The following ECE1 variants were observed in gnomAD, a reference collection of about 807,000 sequenced individuals.
ECE1 encodes endothelin-converting enzyme 1.
Under a neutral mutation model 98.6 loss-of-function variants are expected in ECE1, and 35 were observed. The observed-to-expected ratio is 0.35, with a 90% CI of 0.27 to 0.47. The LOEUF (loss-of-function observed/expected upper bound fraction) is 0.47, where lower values mean the gene tolerates loss of function less well. ECE1 is among the 20% of genes least tolerant of loss of function. ECE1 has a pLI of 1.00. For missense variants in ECE1, 814 were observed against 1,025.3 expected, an observed-to-expected ratio of 0.79 and a Z score of 2.81; for synonymous variants, 394 against 407.1, an observed-to-expected ratio of 0.97 and a Z score of 0.39.
chr1:21,246,242 G>A (rs956414153), intron 9 of ECE1, among the ~76,000 whole-genome samples: 20 of 152,018 alleles, frequency 1.3e-4, no homozygotes, highest in Admixed American at 3.3e-4. Context: ...GCTTATGCCT[G>A]TAATCCTAGC....
At chr1:21,281,331 T>A (rs2098254300) in intron 2 of ECE1, among the ~76,000 whole-genome samples, 1 of 152,092 alleles carries the variant, frequency 6.6e-6, no homozygotes, top group Non-Finnish European at 1.5e-5. Context: ...CCCGCTCAAA[T>A]CCCTCAAGAA....
intron 1 of ECE1, among the ~76,000 whole-genome samples, chr1:21,305,670 G>A (rs1009823239): frequency 2.6e-5 from 4 of 152,180 alleles, no homozygotes; most frequent in South Asian, 2.1e-4. Context: ...ATTTCAGTTC[G>A]TGAGAGTGGC....
chr1:21,333,124 G>C (rs889443107), intron 1 of ECE1, among the ~76,000 whole-genome samples: 5 of 152,110 alleles, frequency 3.3e-5, no homozygotes, highest in African/African-American at 1.2e-4. Context: ...GCAGATCCAG[G>C]GTTCAAGCTC....
upstream of ECE1, chr1:21,294,307 T>A (rs1277766554): frequency 6.6e-6 from 1 of 152,292 alleles, no homozygotes; most frequent in East Asian, 1.9e-4. The surrounding 1 kb of genome is among the most constrained non-coding windows in gnomAD (Gnocchi z 4.2). Flanking sequence ...TCATTTGCAG[T>A]TGTGGGTGCC....
chr1:21,282,183 G>A (rs1357806465), intron 2 of ECE1, among the ~76,000 whole-genome samples: 1 of 152,200 alleles, frequency 6.6e-6, no homozygotes, highest in Non-Finnish European at 1.5e-5. Context: ...CCAGCTACTT[G>A]GGAGGCTGAG....
chr1:21,250,254 T>C (rs1488873690), intron 8 of ECE1, among the ~76,000 whole-genome samples: 1 of 152,248 alleles, frequency 6.6e-6, no homozygotes, highest in Non-Finnish European at 1.5e-5. Flanking sequence ...GATTGGCTTA[T>C]TTCGCTTAGC....
chr1:21,227,640 C>T (rs12735373), intron 15 of ECE1, among the ~76,000 whole-genome samples: 3,928 of 152,196 alleles, frequency 0.026, 87 homozygotes, highest in Non-Finnish European at 0.034. Flanking sequence ...CAGCCTTAAC[C>T]CTCCCCACTC....
At chr1:21,290,601 G>C, upstream of ECE1, 1 of 1,188,110 alleles carries the variant, frequency 8.4e-7, no homozygotes, top group Non-Finnish European at 1.0e-6. The surrounding 1 kb of genome is among the most constrained non-coding windows in gnomAD (Gnocchi z 7.3). Flanking sequence ...TCCCTTCCCC[G>C]GAGGTCGGGA....
At chr1:21,242,365 C>T (rs541450459) in intron 10 of ECE1, among the ~76,000 whole-genome samples, 2 of 152,126 alleles carry the variant, frequency 1.3e-5, no homozygotes, top group Non-Finnish European at 2.9e-5. Context: ...TGCTTTTTCC[C>T]GAATGAAGGC....
intron 1 of ECE1, among the ~76,000 whole-genome samples, chr1:21,335,439 C>T (rs565787138): frequency 6.6e-6 from 1 of 152,204 alleles, no homozygotes; most frequent in Non-Finnish European, 1.5e-5. Context: ...CACAATGAGG[C>T]AGGGCCTCCT....
chr1:21,312,122 CAAAA>C (rs34057869), intron 1 of ECE1, among the ~76,000 whole-genome samples: 4 of 113,700 alleles, frequency 3.5e-5, no homozygotes, highest in African/African-American at 3.5e-5. Context: ...GATTCTGTCT[CAAAA>C]AAAAAAAAAA....
At position 21,225,172 on chromosome 1, in the gene ECE1, C is replaced by A; in HGVS notation, c.2040+78G>T. On this transcript the variant is annotated intron_variant, in intron 17 of 18. Transcript: ENST00000374893. This position sits in a 1 kb window ranked among gnomAD's most constrained non-coding sequence, Gnocchi z 5.3. ...GGCTGCTGCGCCTGCCCTGGTTGTC[C>A]GTGATGATCCTCTACGGACAGGCAT... 1 of 1,562,104 alleles carries A rather than the reference C, an allele frequency of 6.4e-7. No homozygotes were observed. The highest frequency in any genetic ancestry group is 1.1e-5 in the South Asian group (1 of 88,810).
rs543107395 is a variant in ECE1 at position 21,276,936 on chromosome 1, C to T, written c.280+2255G>A. ...TTCACCATGTTGGTCAGGCTGGTCT[C>T]GAACATCTTGACCTCAGGTGATCTG... On this transcript the variant is annotated intron_variant, in intron 3 of 18. Transcript: ENST00000374893. Among the ~76,000 whole-genome samples the T allele has an allele frequency of 3.9e-5, 6 of 152,154 alleles. No individual in the cohort carries two copies. In the South Asian group the frequency reaches 1.0e-3, roughly 26 times the overall value.
At chr1:21,305,391 A>G (rs1158870069) in intron 1 of ECE1, among the ~76,000 whole-genome samples, 1 of 152,206 alleles carries the variant, frequency 6.6e-6, no homozygotes, top group East Asian at 1.9e-4. Context: ...AAAGAAATAA[A>G]CAGACTTGAG....
rs2098176962 is a variant in ECE1, at chr1:21,228,212, TGTTTTGAGACAGGGTCTC to T, written c.1671-189_1671-172del. Among the ~76,000 whole-genome samples the T allele has an allele frequency of 3.3e-5, 5 of 152,102 alleles. No homozygotes were observed. The South Asian group carries it at 8.3e-4, about 25-fold the overall frequency. ...CAAGGACATCTACAGAAGGACTGTT[TGTTTTGAGACAGGGTCTC>T]GTTCTGTCGCCTAGGCTGGAGTGCA... On this transcript the variant is annotated intron_variant, in intron 14 of 18. Transcript: ENST00000374893.
intron 1 of ECE1, among the ~76,000 whole-genome samples, chr1:21,317,247 G>A (rs932962279): frequency 6.6e-6 from 1 of 152,164 alleles, no homozygotes; most frequent in Non-Finnish European, 1.5e-5. Flanking sequence ...GCTGCCATGC[G>A]ATCCTAGTCT....
chr1:21,284,424 A>C (rs759765632), intron 2 of ECE1, among the ~76,000 whole-genome samples: 2 of 152,148 alleles, frequency 1.3e-5, no homozygotes, highest in Non-Finnish European at 2.9e-5. Context: ...TTAATTTCCT[A>C]CTTATTGTCG....
chr1:21,261,594 T>C (rs1354036025), intron 4 of ECE1, among the ~76,000 whole-genome samples: 1 of 152,210 alleles, frequency 6.6e-6, no homozygotes, highest in African/African-American at 2.4e-5. Flanking sequence ...TGTCCACCAT[T>C]AGACCGTGAG....
At chr1:21,273,008 A>G (rs1442182302) in intron 3 of ECE1, 97 bp from the exon 4 acceptor site, 15 of 1,351,478 alleles carry the variant, frequency 1.1e-5, no homozygotes, top group Middle Eastern at 2.2e-4. Flanking sequence ...CACATGTCCC[A>G]CCCTGGCCCT....
Sources: gnomAD v4.1 joint callset for allele counts (sites outside exome capture counted in the v4.1 genomes callset) on GRCh38, gnomAD v4.1.1 for gene constraint, Gnocchi (gnomAD v3.1) non-coding constraint, MANE v1.5 for transcripts, NCBI Gene and HGNC (gene_info 2026-07-23, HGNC 2026-07-21) for gene names.